The following ADARB2 variants were observed in gnomAD, a reference collection of about 807,000 sequenced individuals.
ADARB2 encodes inactive double-stranded RNA-specific editase B2.
ADARB2 carries 25 observed loss-of-function variants against 62.2 expected under a neutral mutation model. The observed-to-expected ratio is 0.40, with a 90% confidence interval of 0.29 to 0.56. The LOEUF is 0.56. ADARB2 is among the 20% of genes least tolerant of loss of function. The probability of loss-of-function intolerance (pLI) is 0.43; values close to 1 mark genes in which losing one functional copy is unlikely to be tolerated. For synonymous variants in ADARB2, 572 were observed against 500.8 expected, an observed-to-expected ratio of 1.14 and a Z score of -1.90; for missense variants, 1,071 against 1,077.4, an observed-to-expected ratio of 0.99 and a Z score of 0.08.
intron 1 of ADARB2, among the ~76,000 whole-genome samples, chr10:1,571,328 C>G (rs1001786519): frequency 2.0e-5 from 3 of 151,512 alleles, no homozygotes; most frequent in Admixed American, 2.0e-4. Flanking sequence ...GTTTTGTTTA[C>G]AATTTCATGA....
intron 7 of ADARB2, among the ~76,000 whole-genome samples, chr10:1,209,534 CTCGCCCACACCCATGCCA>C (rs796268892): frequency 0.27 from 36,539 of 136,656 alleles, 5,424 homozygotes; most frequent in African/African-American, 0.33. Context: ...CACCTACAGC[CTCGCCCACACCCATGCCA>C]TCACCCACAC....
At chr10:1,730,180 G>C (rs774145074) in intron 1 of ADARB2, among the ~76,000 whole-genome samples, 3 of 152,180 alleles carry the variant, frequency 2.0e-5, no homozygotes, top group Non-Finnish European at 2.9e-5. Context: ...AACAGCCACA[G>C]AGAGAAACCT....
At chr10:1,388,174 A>T (rs1832540016) in intron 1 of ADARB2, among the ~76,000 whole-genome samples, 1 of 152,148 alleles carries the variant, frequency 6.6e-6, no homozygotes. Context: ...TTATCTATAG[A>T]TACAAAACCC....
chr10:1,319,571 T>A (rs1940306576), intron 3 of ADARB2, among the ~76,000 whole-genome samples: 1 of 152,220 alleles, frequency 6.6e-6, no homozygotes, highest in Non-Finnish European at 1.5e-5. Context: ...ACATCTTGGT[T>A]GATAAGAACT....
chr10:1,443,110 G>A (rs929992211), intron 1 of ADARB2, among the ~76,000 whole-genome samples: 5 of 151,450 alleles, frequency 3.3e-5, no homozygotes, highest in African/African-American at 7.3e-5. Flanking sequence ...AACAAACAAC[G>A]GAAACTTCTA....
intron 6 of ADARB2, among the ~76,000 whole-genome samples, chr10:1,220,281 G>T (rs1264500810): frequency 6.8e-5 from 10 of 146,668 alleles, no homozygotes; most frequent in Non-Finnish European, 1.5e-5. Flanking sequence ...TGATGGTAAT[G>T]GTGATGGTGG....
chr10:1,447,146 C>A lies in ADARB2; in HGVS notation c.101-67986G>T, dbSNP rs148520761. On this transcript the variant is annotated intron_variant, in intron 1 of 9. Coordinates refer to ENST00000381312, the MANE Select transcript of ADARB2 (RefSeq NM_018702.4). Reference sequence around the variant, plus strand: ...GGATTCAATTAGCAGCCTTCGGATGCACGGGTCAGTGGGATACTACCTACA... The same window carrying A: ...GGATTCAATTAGCAGCCTTCGGATGAACGGGTCAGTGGGATACTACCTACA... Among the ~76,000 whole-genome samples, 370 of 152,262 alleles carry A rather than the reference C, an allele frequency of 2.4e-3. 2 individuals are homozygous for A. Among genetic ancestry groups the A allele is most frequent in the African/African-American group, 8.3e-3 (343 of 41,546 alleles).
At chr10:1,576,379 G>A (rs3106841) in intron 1 of ADARB2, among the ~76,000 whole-genome samples, 1 of 151,320 alleles carries the variant, frequency 6.6e-6, no homozygotes, top group South Asian at 2.1e-4. Flanking sequence ...GGTCACAGGA[G>A]GGGGCTCAGA....
chr10:1,228,626 T>C (rs1339982537), intron 6 of ADARB2, among the ~76,000 whole-genome samples: 2 of 152,236 alleles, frequency 1.3e-5, no homozygotes, highest in Non-Finnish European at 2.9e-5. Flanking sequence ...AAGCCACAGA[T>C]GTGGCAGTTT....
intron 1 of ADARB2, among the ~76,000 whole-genome samples, chr10:1,433,227 A>G (rs1830795135): frequency 6.6e-6 from 1 of 152,154 alleles, no homozygotes; most frequent in Non-Finnish European, 1.5e-5. Context: ...GCATTCTCCG[A>G]ATTGTGGCAG....
At chr10:1,419,935 C>T (rs749774909) in intron 1 of ADARB2, among the ~76,000 whole-genome samples, 10 of 152,164 alleles carry the variant, frequency 6.6e-5, no homozygotes, top group African/African-American at 1.2e-4. Flanking sequence ...GGACATCATC[C>T]GAGTGTAAAA....
At chr10:1,373,857 C>G (rs368997911) in intron 2 of ADARB2, among the ~76,000 whole-genome samples, 1 of 148,732 alleles carries the variant, frequency 6.7e-6, no homozygotes, top group Non-Finnish European at 1.5e-5. Flanking sequence ...GCGTGGGCTC[C>G]GCGCACCCTT....
chr10:1,306,751 A>C (rs1422175325), intron 3 of ADARB2, among the ~76,000 whole-genome samples: 1 of 145,450 alleles, frequency 6.9e-6, no homozygotes, highest in Non-Finnish European at 1.5e-5. Flanking sequence ...TCAATGGAAC[A>C]GAACAGAGCC....
chr10:1,737,215 G>C lies in ADARB2; in HGVS notation c.-65C>G. 2 of 1,536,846 alleles carry C rather than the reference G, an allele frequency of 1.3e-6. No individual in the cohort carries two copies. Among genetic ancestry groups the C allele is most frequent in the Middle Eastern group, 1.8e-4 (1 of 5,540 alleles). On this transcript the variant is annotated 5_prime_UTR_variant, in exon 1 of 10. Coordinates refer to ENST00000381312, the MANE Select transcript of ADARB2 (RefSeq NM_018702.4). ...CTGCACCTGCACCTGCCTCCTTCCC[G>C]GCAGCCGCCGCCGCCGCTGCTGCGA... is the stretch of plus-strand genomic sequence containing the variant.
At chr10:1,229,932 C>A (rs917500263) in intron 6 of ADARB2, among the ~76,000 whole-genome samples, 2 of 152,062 alleles carry the variant, frequency 1.3e-5, no homozygotes, top group African/African-American at 4.8e-5. Context: ...CAGGCGTGGC[C>A]ACTGTGGAGA....
chr10:1,508,622 T>C (rs1021711347), intron 1 of ADARB2, among the ~76,000 whole-genome samples: 2 of 152,052 alleles, frequency 1.3e-5, no homozygotes, highest in Non-Finnish European at 2.9e-5. Context: ...CCACAGAAAG[T>C]ACAAAAATTA....
chr10:1,255,384 A>G lies in ADARB2; in HGVS notation c.1193-13085T>C, dbSNP rs930094074. Among the ~76,000 whole-genome samples the G allele has an allele frequency of 2.6e-5, 4 of 152,232 alleles. No homozygotes were observed. The highest frequency in any genetic ancestry group is 5.9e-5 in the Non-Finnish European group (4 of 68,032). On this transcript the variant is annotated intron_variant, in intron 4 of 9. Transcript: ENST00000381312. This position sits in a 1 kb window ranked among gnomAD's most constrained non-coding sequence, Gnocchi z 4.7. ...TCACCAAGCCTTCTGTGCCAGGCAC[A>G]TGTGAGCGCTGGGTCTACACACTAA...
chr10:1,657,728 G>C (rs1746861494), intron 1 of ADARB2, among the ~76,000 whole-genome samples: 1 of 152,210 alleles, frequency 6.6e-6, no homozygotes. Context: ...GAGAGCCAGG[G>C]GCCATGGTGA....
rs1564257788 is a variant in ADARB2, at chr10:1,326,802, ACGGCCCAGCGC to A, written c.1077+36215_1077+36225del. ...CCTCCTCACTGCCCAGCGCCTCCCCACGGCCCAGCGCCTCCCCACGGCCCAGCGCCTCCCCA... is the reference window on the plus strand; with the variant it reads ...CCTCCTCACTGCCCAGCGCCTCCCCACTCCCCACGGCCCAGCGCCTCCCCA... On this transcript the variant is annotated intron_variant, in intron 3 of 9. Coordinates refer to ENST00000381312, the MANE Select transcript of ADARB2 (RefSeq NM_018702.4). 2.8e-3 allele frequency among the ~76,000 whole-genome samples: 338 copies of A among 121,016 alleles called. 49 individuals are homozygous for A. Among genetic ancestry groups the A allele is most frequent in the African/African-American group, 0.01 (309 of 30,790 alleles). 79.4% of individuals were successfully genotyped at this position (121,016 alleles called of 152,430 possible).
Sources: allele counts gnomAD v4.1 joint callset (sites outside exome capture counted in the v4.1 genomes callset), GRCh38; gene constraint gnomAD v4.1.1; non-coding constraint Gnocchi (gnomAD v3.1); transcripts MANE v1.5; gene names NCBI Gene and HGNC (gene_info 2026-07-23, HGNC 2026-07-21).